CACNA1D: variants seen among roughly 807,000 people sequenced by gnomAD.
CACNA1D encodes the protein calcium voltage-gated channel subunit alpha1 D.
Under a neutral mutation model 257.1 loss-of-function variants are expected in CACNA1D, and 55 were observed. The ratio of observed to expected loss-of-function variants is 0.21; its 90% CI spans 0.17 to 0.27. CACNA1D has a LOEUF of 0.27. Among genes scored for constraint, CACNA1D ranks in the 10% least tolerant of loss-of-function variants. The pLI, the probability that CACNA1D is intolerant of heterozygous loss-of-function variation, is 1.00. For synonymous variants in CACNA1D, 980 were observed against 1,014.9 expected (o/e 0.97, Z 0.65); for missense variants, 1,876 against 2,784.0 (o/e 0.67, Z 7.34).
chr3:53,640,578 G>A (rs918821100), intron 3 of CACNA1D, among the ~76,000 whole-genome samples: 4 of 152,180 alleles, frequency 2.6e-5, no homozygotes, highest in Non-Finnish European at 5.9e-5. Flanking sequence ...TTGTCCTCAA[G>A]GCACTGACAA....
intron 11 of CACNA1D, among the ~76,000 whole-genome samples, chr3:53,721,419 G>A (rs2094881599): frequency 1.3e-5 from 2 of 152,202 alleles, no homozygotes; most frequent in Admixed American, 6.5e-5. Context: ...GCCTGGAGAG[G>A]ACTGACTTTA....
chr3:53,694,619 C>T (rs1258226189), intron 8 of CACNA1D, among the ~76,000 whole-genome samples: 3 of 152,338 alleles, frequency 2.0e-5, no homozygotes, highest in East Asian at 1.9e-4. Context: ...CTCCTCCTGC[C>T]TCTTCCACTG....
chr3:53,718,173 C>A, intron 9 of CACNA1D, 128 bp from the exon 10 acceptor site: 2 of 795,988 alleles, frequency 2.5e-6, no homozygotes, highest in South Asian at 2.7e-5. Context: ...AGCTGAGGCC[C>A]TGAGGGCCCT....
chr3:53,776,206 G>A (rs1380398018), intron 35 of CACNA1D, among the ~76,000 whole-genome samples, 161 bp downstream of exon 35: 3 of 152,334 alleles, frequency 2.0e-5, no homozygotes, highest in East Asian at 3.9e-4. Flanking sequence ...TTAACCAGGC[G>A]TGTGTCACTG....
At chr3:53,806,076 A>C (rs1293158354) in intron 45 of CACNA1D, among the ~76,000 whole-genome samples, 7 of 93,764 alleles carry the variant, frequency 7.5e-5, no homozygotes, top group African/African-American at 1.3e-4. Flanking sequence ...ATTTTCTCTC[A>C]TCTTCCCTCA....
At chr3:53,670,014 A>G (rs1048425540) in intron 7 of CACNA1D, among the ~76,000 whole-genome samples, 1 of 152,238 alleles carries the variant, frequency 6.6e-6, no homozygotes, top group African/African-American at 2.4e-5. Context: ...CAGGAAATAA[A>G]AAGTATTGGT....
intron 3 of CACNA1D, among the ~76,000 whole-genome samples, chr3:53,533,403 T>C (rs1452644286): frequency 2.0e-5 from 3 of 152,088 alleles, no homozygotes; most frequent in African/African-American, 7.2e-5. Context: ...GCCAAAAAAG[T>C]TTGGGATAGA....
chr3:53,496,815 A>C (rs2090371573), intron 1 of CACNA1D, among the ~76,000 whole-genome samples: 1 of 152,134 alleles, frequency 6.6e-6, no homozygotes, highest in Non-Finnish European at 1.5e-5. Flanking sequence ...TACAAATCAG[A>C]GATGCGGAGT....
intron 32 of CACNA1D, among the ~76,000 whole-genome samples, chr3:53,771,207 G>A (rs1346993920): frequency 6.6e-6 from 1 of 152,238 alleles, no homozygotes; most frequent in Non-Finnish European, 1.5e-5. Context: ...AAGAGAAGGT[G>A]TGGGAAATAT....
At chr3:53,630,068 T>A (rs1235707358) in intron 3 of CACNA1D, among the ~76,000 whole-genome samples, 1 of 152,180 alleles carries the variant, frequency 6.6e-6, no homozygotes, top group African/African-American at 2.4e-5. Flanking sequence ...AAAAGCCAGT[T>A]ACGGGGAGGC....
intron 32 of CACNA1D, 93 bp downstream of exon 32, chr3:53,770,645 G>T: frequency 8.3e-7 from 1 of 1,198,114 alleles, no homozygotes; most frequent in Non-Finnish European, 1.2e-6. Flanking sequence ...GGCTCCCCCT[G>T]TGTGGCCACT....
At chr3:53,703,470 T>A (rs1159968530) in intron 9 of CACNA1D, among the ~76,000 whole-genome samples, 9 of 152,226 alleles carry the variant, frequency 5.9e-5, no homozygotes, top group Non-Finnish European at 1.2e-4. Context: ...TTAATTGCCA[T>A]TGTCAACCAC....
intron 9 of CACNA1D, among the ~76,000 whole-genome samples, chr3:53,714,191 G>A (rs537988771): frequency 1.3e-5 from 2 of 152,320 alleles, no homozygotes; most frequent in South Asian, 4.1e-4. Flanking sequence ...TTCACAGCTT[G>A]TTCATGTGCA....
chr3:53,795,728 C>T (rs566669742), intron 40 of CACNA1D, among the ~76,000 whole-genome samples: 9 of 152,264 alleles, frequency 5.9e-5, no homozygotes, highest in African/African-American at 2.2e-4. Flanking sequence ...AAAATTACAA[C>T]GAATCAGATT....
intron 3 of CACNA1D, among the ~76,000 whole-genome samples, chr3:53,507,074 A>AG (rs2090880190): frequency 7.5e-6 from 1 of 132,618 alleles, no homozygotes. Flanking sequence ...CTCTATCTCA[A>AG]AAAAAAAAAA....
At chr3:53,668,623 C>G (rs1477480688) in intron 7 of CACNA1D, among the ~76,000 whole-genome samples, 1 of 152,064 alleles carries the variant, frequency 6.6e-6, no homozygotes, top group Non-Finnish European at 1.5e-5. Flanking sequence ...GAACATTCCC[C>G]GAGTTCTACA....
chr3:53,799,398 C>T (rs1165851725), intron 40 of CACNA1D, among the ~76,000 whole-genome samples: 11 of 152,200 alleles, frequency 7.2e-5, no homozygotes, highest in Non-Finnish European at 4.4e-5. Flanking sequence ...TTATCCTGGG[C>T]CCTGTCTCAA....
intron 9 of CACNA1D, among the ~76,000 whole-genome samples, chr3:53,716,243 G>A (rs998564015): frequency 1.3e-5 from 2 of 152,218 alleles, no homozygotes; most frequent in Non-Finnish European, 2.9e-5. Context: ...GTGAAGCCTG[G>A]AGAGAGGTGA....
At chr3:53,791,799 C>T (rs1038364450) in intron 40 of CACNA1D, 1 of 152,258 alleles carries the variant, frequency 6.6e-6, no homozygotes, top group Non-Finnish European at 1.5e-5. Context: ...CAGAGCCAGT[C>T]TGGGGATGCC....
Sources: gnomAD v4.1 joint callset for allele counts (sites outside exome capture counted in the v4.1 genomes callset) on GRCh38, gnomAD v4.1.1 for gene constraint, MANE v1.5 for transcripts, NCBI Gene and HGNC (gene_info 2026-07-23, HGNC 2026-07-21) for gene names.